The following FBLN5 variants were observed in gnomAD, a reference collection of about 807,000 sequenced individuals.
The protein encoded by FBLN5 is fibulin 5.
A neutral mutation model predicts 61.6 loss-of-function variants in FBLN5; 24 were observed. The observed-to-expected ratio is 0.39, with a 90% CI of 0.28 to 0.55. The LOEUF is 0.55. Ranked by LOEUF, FBLN5 falls within the 20% of genes least tolerant of loss-of-function variation. The pLI is 0.65. For missense variants in FBLN5, 470 were observed against 594.1 expected, an observed-to-expected ratio of 0.79 and a Z score of 2.17; for synonymous variants, 213 against 219.8, an observed-to-expected ratio of 0.97 and a Z score of 0.27.
intron 6 of FBLN5, among the ~76,000 whole-genome samples, chr14:91,890,380 C>T (rs1034529863): frequency 6.6e-6 from 1 of 152,186 alleles, no homozygotes; most frequent in African/African-American, 2.4e-5. Flanking sequence ...GGTCTCCAGA[C>T]AAAGACCTCA....
At chr14:91,915,686 CAA>C (rs34675184) in intron 4 of FBLN5, among the ~76,000 whole-genome samples, 37 of 43,726 alleles carry the variant, frequency 8.5e-4, no homozygotes, top group South Asian at 3.0e-3. Context: ...GACTCCATCT[CAA>C]AAAAAAAAAA....
intron 4 of FBLN5, among the ~76,000 whole-genome samples, chr14:91,925,759 T>C (rs145324321): frequency 3.8e-4 from 58 of 152,350 alleles, no homozygotes; most frequent in African/African-American, 1.2e-3. Context: ...AGCCCGTCAG[T>C]GCTTCTGTAC....
intron 2 of FBLN5, among the ~76,000 whole-genome samples, chr14:91,940,874 GAGGA>G (rs567681346): frequency 8.2e-4 from 125 of 152,222 alleles, no homozygotes; most frequent in African/African-American, 2.8e-3. Context: ...GGAGGCTGAG[GAGGA>G]AGGATTTCTT....
chr14:91,895,160 G>C lies in FBLN5; in HGVS notation c.380-88C>G. ...GGGGTGCCAGTGGCTCATCTTGGCTGGGAGGCAGTTAATAAGGTCACTAGG... is the reference window on the plus strand; with the variant it reads ...GGGGTGCCAGTGGCTCATCTTGGCTCGGAGGCAGTTAATAAGGTCACTAGG... On this transcript the variant is annotated intron_variant, in intron 4 of 10. Coordinates refer to ENST00000342058, the MANE Select transcript of FBLN5 (RefSeq NM_006329.4). 2.6e-6 allele frequency: 4 copies of C among 1,543,672 alleles called. No individual in the cohort carries two copies. The South Asian group carries it at 4.5e-5, about 17-fold the overall frequency.
intron 6 of FBLN5, among the ~76,000 whole-genome samples, chr14:91,888,332 C>A (rs1889825286): frequency 6.8e-6 from 1 of 147,892 alleles, no homozygotes. Context: ...AGGCTGGGTG[C>A]AGTGGCTCAC....
intron 4 of FBLN5, among the ~76,000 whole-genome samples, chr14:91,902,484 C>T (rs1890501981): frequency 6.6e-6 from 1 of 152,072 alleles, no homozygotes; most frequent in African/African-American, 2.4e-5. Context: ...TCAGAATTTC[C>T]AGGGCTGAGG....
At chr14:91,930,448 C>T (rs554496143) in intron 4 of FBLN5, among the ~76,000 whole-genome samples, 1 of 152,336 alleles carries the variant, frequency 6.6e-6, no homozygotes, top group South Asian at 2.1e-4. Context: ...GCAGAACCCC[C>T]ACCTCAATGC....
At chr14:91,914,477 C>CAAA (rs57302887) in intron 4 of FBLN5, among the ~76,000 whole-genome samples, 44 of 58,602 alleles carry the variant, frequency 7.5e-4, no homozygotes, top group African/African-American at 1.5e-3. Flanking sequence ...GACTCTGTCT[C>CAAA]AAAAAAAAAA....
At position 91,882,556 on chromosome 14, in the gene FBLN5, C is replaced by T. The variant is rs1889525417; in HGVS notation, c.862+398G>A. 6.6e-6 allele frequency among the ~76,000 whole-genome samples: 1 copy of T among 152,238 alleles called. No individual in the cohort carries two copies. Among genetic ancestry groups the T allele is most frequent in the South Asian group, 2.1e-4 (1 of 4,834 alleles). ...AGGAGATCACTTGGAGAAAGGCTAA[C>T]CAAACTGCCCTCCAGGCCACGTAAG... On this transcript the variant is annotated intron_variant, in intron 8 of 10. Transcript: ENST00000342058. The surrounding 1 kb of genome is among the most constrained non-coding windows in gnomAD (Gnocchi z 4.9).
At chr14:91,945,560 C>T (rs934181226) in intron 1 of FBLN5, among the ~76,000 whole-genome samples, 1 of 152,120 alleles carries the variant, frequency 6.6e-6, no homozygotes, top group Admixed American at 6.5e-5. Context: ...TTCTGGGGCC[C>T]GTTACTACAA....
chr14:91,936,947 C>G lies in FBLN5; in HGVS notation c.379G>C (p.Asp127His). Reference protein sequence around the residue: ...YQMDESNQCVDVDECATDSHQ... With the variant: ...YQMDESNQCVHVDECATDSHQ... ...AGGAACAAAAGGCCGGGCTACTCAC[C>G]CACACATTGGTTGCTTTCATCCATC... The change falls in exon 4 of 11, where the codon GAT (aspartate) becomes CAT (histidine). Residue 127 changes from aspartate (D) to histidine (H), a missense_variant and splice_region_variant. Physicochemically the swap from Asp to His is moderately conservative, Grantham distance 81 (BLOSUM62 -1). Coordinates refer to ENST00000342058, the MANE Select transcript of FBLN5 (RefSeq NM_006329.4). 6.2e-7 allele frequency: 1 copy of G among 1,614,148 alleles called. No homozygotes were observed. The highest frequency in any genetic ancestry group is 8.5e-7 in the Non-Finnish European group (1 of 1,180,034).
Position 91,882,456 on chromosome 14 carries a change from T to G in FBLN5, c.862+498A>C, listed in dbSNP as rs1889522151. Among the ~76,000 whole-genome samples the G allele has an allele frequency of 6.6e-6, 1 of 152,128 alleles. No homozygotes were observed. Among genetic ancestry groups the G allele is most frequent in the Non-Finnish European group, 1.5e-5 (1 of 68,030 alleles). ...GGCAAACAGGAGAAGGCCCACCCCT[T>G]TTACAGTCTGGGGTCCCAGCCCTTG... is the stretch of plus-strand genomic sequence containing the variant. On this transcript the variant is annotated intron_variant, in intron 8 of 10. Transcript: ENST00000342058. This position sits in a 1 kb window ranked among gnomAD's most constrained non-coding sequence, Gnocchi z 4.9.
At chr14:91,934,083 G>T (rs1175690052) in intron 4 of FBLN5, among the ~76,000 whole-genome samples, 2 of 152,120 alleles carry the variant, frequency 1.3e-5, no homozygotes, top group African/African-American at 2.4e-5. Flanking sequence ...GCACATGCCT[G>T]TAGTCCCAGC....
At chr14:91,876,889 G>A (rs868734492) in intron 10 of FBLN5, among the ~76,000 whole-genome samples, 1 of 152,172 alleles carries the variant, frequency 6.6e-6, no homozygotes, top group East Asian at 1.9e-4. Flanking sequence ...GTACAGTGGT[G>A]TGATCTCAGC....
intron 4 of FBLN5, among the ~76,000 whole-genome samples, chr14:91,908,227 C>T (rs1595321162): frequency 6.6e-6 from 1 of 152,218 alleles, no homozygotes; most frequent in African/African-American, 2.4e-5. Context: ...GCACACCTCC[C>T]GTTCTTGACT....
intron 2 of FBLN5, 83 bp downstream of exon 2, chr14:91,942,824 T>G: frequency 3.5e-6 from 3 of 869,512 alleles, no homozygotes; most frequent in Middle Eastern, 2.1e-4. Flanking sequence ...CCCACAAACC[T>G]AGGGTTCCGT....
chr14:91,947,120 C>A lies in FBLN5; in HGVS notation c.17+93G>T. The A allele has an allele frequency of 3.1e-6, 5 of 1,587,416 alleles. No homozygotes were observed. The Admixed American group carries it at 8.6e-5, about 27-fold the overall frequency. On this transcript the variant is annotated intron_variant, in intron 1 of 10. Transcript: ENST00000342058. This position sits in a 1 kb window ranked among gnomAD's most constrained non-coding sequence, Gnocchi z 4.3. ...TGCCTTTTCCAATATCCTGACACCG[C>A]CTGAATCGCAGCCATAACCATTTTC...
chr14:91,889,170 C>T (rs1007909633), intron 6 of FBLN5, among the ~76,000 whole-genome samples: 1 of 152,218 alleles, frequency 6.6e-6, no homozygotes, highest in African/African-American at 2.4e-5. Context: ...GGTTTCCCCA[C>T]CGGGGACAGG....
chr14:91,935,124 G>A (rs1286357559), intron 4 of FBLN5, among the ~76,000 whole-genome samples: 3 of 152,202 alleles, frequency 2.0e-5, no homozygotes, highest in East Asian at 3.9e-4. Context: ...TTACAAAAGG[G>A]CCATTATGAA....
Sources: allele counts gnomAD v4.1 joint callset (sites outside exome capture counted in the v4.1 genomes callset), GRCh38; gene constraint gnomAD v4.1.1; non-coding constraint Gnocchi (gnomAD v3.1); transcripts MANE v1.5; gene names NCBI Gene and HGNC (gene_info 2026-07-23, HGNC 2026-07-21).